TMEM232: variants seen among roughly 807,000 people sequenced by gnomAD.
TMEM232 encodes transmembrane protein 232.
A neutral mutation model predicts 78.8 loss-of-function variants in TMEM232; 80 were observed. The ratio of observed to expected loss-of-function variants is 1.01; its 90% CI spans 0.85 to 1.22. The LOEUF (loss-of-function observed/expected upper bound fraction) is 1.22, where lower values mean the gene tolerates loss of function less well. Among genes scored for constraint, TMEM232 ranks in the 50% most tolerant of loss-of-function variants. The pLI is 0.00. For missense variants in TMEM232, 881 were observed against 742.2 expected (o/e 1.19, Z -2.17); for synonymous variants, 297 against 254.3 (o/e 1.17, Z -1.60).
At chr5:110,699,929 G>C (rs1285814109) in intron 1 of TMEM232, among the ~76,000 whole-genome samples, 3 of 152,026 alleles carry the variant, frequency 2.0e-5, no homozygotes, top group Admixed American at 6.6e-5. Flanking sequence ...AGATCCTGTA[G>C]GTGTCACTAA....
At chr5:110,539,460 C>A (rs559085864) in intron 11 of TMEM232, among the ~76,000 whole-genome samples, 3 of 152,316 alleles carry the variant, frequency 2.0e-5, no homozygotes, top group African/African-American at 7.2e-5. Context: ...ACCCTCCTGG[C>A]TCAGGTGCCA....
chr5:110,688,572 T>A (rs6885085), intron 1 of TMEM232, among the ~76,000 whole-genome samples: 11,194 of 152,208 alleles, frequency 0.074, 496 homozygotes, highest in Admixed American at 0.12. Context: ...CATAAAAATC[T>A]TCCCTGGGCC....
chr5:110,682,302 A>T (rs1191934190), intron 1 of TMEM232, among the ~76,000 whole-genome samples: 1 of 152,202 alleles, frequency 6.6e-6, no homozygotes, highest in Non-Finnish European at 1.5e-5. Context: ...ATAAAACATT[A>T]AGTGAATAAA....
At chr5:110,562,240 C>T (rs1379836860) in intron 11 of TMEM232, among the ~76,000 whole-genome samples, 3 of 152,204 alleles carry the variant, frequency 2.0e-5, no homozygotes, top group African/African-American at 7.2e-5. Flanking sequence ...CCTAAGTCTC[C>T]ATCACCTTAG....
In TMEM232 at chr5:110,492,747, C is replaced by A. The variant is rs191659400; in HGVS notation, c.1703+35841G>T. Among the ~76,000 whole-genome samples, 690 of 152,024 alleles carry A rather than the reference C, an allele frequency of 4.5e-3. 1 individual carries two copies. The highest frequency in any genetic ancestry group is 8.1e-3 in the Non-Finnish European group (547 of 67,888). On this transcript the variant is annotated intron_variant, in intron 12 of 13. Coordinates refer to ENST00000455884, the MANE Select transcript of TMEM232 (RefSeq NM_001039763.4). ...TCACAAATTTCACTAAGAACCAATA[C>A]TCTACAGAGAGATATTAGAGATTCT... is the stretch of plus-strand genomic sequence containing the variant.
intron 12 of TMEM232, among the ~76,000 whole-genome samples, 161 bp downstream of exon 12, chr5:110,528,427 G>C (rs1561632896): frequency 6.6e-6 from 1 of 151,828 alleles, no homozygotes; most frequent in Non-Finnish European, 1.5e-5. Flanking sequence ...TGAGAAGGGA[G>C]GAACTAGCTC....
chr5:110,526,820 A>C (rs1770669684), intron 12 of TMEM232, among the ~76,000 whole-genome samples: 1 of 151,920 alleles, frequency 6.6e-6, no homozygotes, highest in Non-Finnish European at 1.5e-5. Context: ...CCAATAGAAA[A>C]TTGGTTAAAT....
At chr5:110,451,215 T>C (rs374688919) in intron 12 of TMEM232, among the ~76,000 whole-genome samples, 6 of 144,400 alleles carry the variant, frequency 4.2e-5, no homozygotes, top group Admixed American at 2.7e-4. Context: ...ACAGAAGCAA[T>C]TGGCATGTAA....
intron 12 of TMEM232, among the ~76,000 whole-genome samples, chr5:110,488,503 T>G (rs572364214): frequency 1.8e-4 from 28 of 152,154 alleles, no homozygotes; most frequent in Admixed American, 7.2e-4. Flanking sequence ...GAAATAACAA[T>G]GAAAATTGGA....
At position 110,450,262 on chromosome 5, in the gene TMEM232, G is replaced by A. The variant is rs115884202; in HGVS notation, c.1704-25346C>T. 2.1e-3 allele frequency among the ~76,000 whole-genome samples: 316 copies of A among 152,240 alleles called. 5 individuals carry two copies. Among genetic ancestry groups the A allele is most frequent in the African/African-American group, 7.3e-3 (302 of 41,560 alleles). Reference sequence around the variant, plus strand: ...CTCAGGTAGTTCTTTATAACAGTGTGAGAATGGACTAATGCAATTATTTTT... The same window carrying A: ...CTCAGGTAGTTCTTTATAACAGTGTAAGAATGGACTAATGCAATTATTTTT... On this transcript the variant is annotated intron_variant, in intron 12 of 13. Coordinates refer to ENST00000455884, the MANE Select transcript of TMEM232 (RefSeq NM_001039763.4).
chr5:110,466,673 C>T (rs1047168470), intron 12 of TMEM232, among the ~76,000 whole-genome samples: 18 of 149,776 alleles, frequency 1.2e-4, no homozygotes, highest in Admixed American at 2.0e-4. Context: ...AGTGCAGTGG[C>T]GCAATCTCGG....
chr5:110,557,200 A>G (rs940948340), intron 11 of TMEM232, among the ~76,000 whole-genome samples: 5 of 152,142 alleles, frequency 3.3e-5, no homozygotes, highest in African/African-American at 1.2e-4. Context: ...AAATTTTTCT[A>G]GTGAGTATCT....
intron 12 of TMEM232, among the ~76,000 whole-genome samples, chr5:110,437,819 G>C (rs760912127): frequency 6.6e-6 from 1 of 152,042 alleles, no homozygotes; most frequent in Non-Finnish European, 1.5e-5. Flanking sequence ...GTAAAATACA[G>C]TTATGACAAA....
At chr5:110,736,174 T>C (rs1799140151) in intron 1 of TMEM232, among the ~76,000 whole-genome samples, 1 of 152,212 alleles carries the variant, frequency 6.6e-6, no homozygotes, top group Admixed American at 6.5e-5. Context: ...CAAACTAGTT[T>C]GAAGCAATAA....
chr5:110,637,127 T>C (rs1430234331), intron 5 of TMEM232, among the ~76,000 whole-genome samples: 1 of 150,148 alleles, frequency 6.7e-6, no homozygotes, highest in Non-Finnish European at 1.5e-5. Context: ...TTTTTATATA[T>C]TTTATTTTTA....
chr5:110,493,464 T>C (rs1254734228), intron 12 of TMEM232, among the ~76,000 whole-genome samples: 1 of 151,656 alleles, frequency 6.6e-6, no homozygotes, highest in African/African-American at 2.4e-5. Flanking sequence ...TGACATGATA[T>C]TAACATAGAA....
At chr5:110,677,436 T>C (rs1156257281) in intron 1 of TMEM232, among the ~76,000 whole-genome samples, 1 of 152,212 alleles carries the variant, frequency 6.6e-6, no homozygotes, top group Admixed American at 6.5e-5. Context: ...TGAAAGTTAT[T>C]TTAAACCTCT....
intron 10 of TMEM232, among the ~76,000 whole-genome samples, chr5:110,587,831 T>C (rs1031169578): frequency 2.0e-5 from 3 of 150,920 alleles, no homozygotes; most frequent in Admixed American, 1.3e-4. Context: ...AAAAAATAGA[T>C]ACATTTGGTT....
At chr5:110,516,753 C>T (rs1462380566) in intron 12 of TMEM232, among the ~76,000 whole-genome samples, 1 of 152,080 alleles carries the variant, frequency 6.6e-6, no homozygotes, top group African/African-American at 2.4e-5. Context: ...ACCTGCAAGC[C>T]ATTCAGAGCA....
Sources: allele counts gnomAD v4.1 joint callset (sites outside exome capture counted in the v4.1 genomes callset), GRCh38; gene constraint gnomAD v4.1.1; transcripts MANE v1.5; gene names NCBI Gene and HGNC (gene_info 2026-07-23, HGNC 2026-07-21).